Variants in CLIC5 observed in about 807,000 individuals in gnomAD.
CLIC5 encodes chloride intracellular channel protein 5.
A neutral mutation model predicts 24.7 loss-of-function variants in CLIC5; 20 were observed. The ratio of observed to expected loss-of-function variants is 0.81; its 90% CI spans 0.57 to 1.18. The LOEUF is 1.18. Among genes scored for constraint, CLIC5 ranks in the 50% most tolerant of loss-of-function variants. The probability of loss-of-function intolerance (pLI) is 0.00; values close to 1 mark genes in which losing one functional copy is unlikely to be tolerated. For missense variants in CLIC5, 341 were observed against 326.1 expected (o/e 1.05, Z -0.35); for synonymous variants, 159 against 135.6 (o/e 1.17, Z -1.20).
intron 4 of CLIC5, among the ~76,000 whole-genome samples, chr6:45,938,021 G>A (rs923706054): frequency 6.6e-6 from 1 of 152,188 alleles, no homozygotes; most frequent in Non-Finnish European, 1.5e-5. Flanking sequence ...ACCAGGTAGA[G>A]GGGAGGGAGG....
chr6:45,911,944 G>GGA, intron 5 of CLIC5: 1 of 985,528 alleles, frequency 1.0e-6, no homozygotes, highest in Non-Finnish European at 1.2e-6. Context: ...AAACTCTCAT[G>GGA]GAGAGCCTGG....
chr6:45,979,030 A>C (rs1172978547), intron 1 of CLIC5, among the ~76,000 whole-genome samples: 1 of 152,080 alleles, frequency 6.6e-6, no homozygotes, highest in Non-Finnish European at 1.5e-5. Context: ...AGTTTGAAAA[A>C]AAATGCACAA....
intron 3 of CLIC5, among the ~76,000 whole-genome samples, chr6:45,948,702 AT>A (rs1335508570): frequency 1.3e-5 from 2 of 152,210 alleles, no homozygotes; most frequent in Non-Finnish European, 2.9e-5. Context: ...ACAAGAACTT[AT>A]AGCTCTACGG....
chr6:45,992,124 T>C (rs1193404606), intron 1 of CLIC5, among the ~76,000 whole-genome samples: 1 of 152,198 alleles, frequency 6.6e-6, no homozygotes, highest in Non-Finnish European at 1.5e-5. Flanking sequence ...TCTCAGGCCA[T>C]TCTAACCTAC....
chr6:46,096,414 T>C, the CLIC5 span, among the ~76,000 whole-genome samples: 1 of 152,260 alleles, frequency 6.6e-6, no homozygotes, highest in Non-Finnish European at 1.5e-5. Flanking sequence ...CTACTACTTC[T>C]ATACCATGGA....
intron 6 of CLIC5, among the ~76,000 whole-genome samples, chr6:45,885,129 T>C (rs1762294789): frequency 2.0e-5 from 3 of 152,032 alleles, no homozygotes; most frequent in Admixed American, 6.5e-5. Context: ...CCCAAACTCA[T>C]ATGTTGAAAT....
At chr6:45,990,647 A>T (rs1390395101) in intron 1 of CLIC5, among the ~76,000 whole-genome samples, 1 of 152,268 alleles carries the variant, frequency 6.6e-6, no homozygotes, top group Admixed American at 6.5e-5. Context: ...CCTGCCTTAC[A>T]AAATATACTG....
At chr6:46,019,387 C>A (rs12213720), upstream of CLIC5, among the ~76,000 whole-genome samples, 5 of 152,126 alleles carry the variant, frequency 3.3e-5, no homozygotes, top group Non-Finnish European at 5.9e-5. Flanking sequence ...CATGCAAACA[C>A]TAATCAAAAG....
intron 1 of CLIC5, among the ~76,000 whole-genome samples, chr6:45,996,745 A>G (rs886253328): frequency 1.3e-5 from 2 of 152,112 alleles, no homozygotes; most frequent in Non-Finnish European, 2.9e-5. Flanking sequence ...CAAAAGACAC[A>G]TGAAAAAATG....
rs540691771 is a variant in CLIC5, at chr6:46,077,345, C to A, written c.540+2358G>T. On this transcript the variant is annotated intron_variant, in intron 1 of 5. Transcript: ENST00000185206. The stretch of plus-strand genomic sequence containing the variant: ...CAAATGAATACAAGTATCAATGCAG[C>A]CCAGTGGTCCACACTAAAACAGCCC... Among the ~76,000 whole-genome samples, 4 of 152,086 alleles carry A rather than the reference C, an allele frequency of 2.6e-5. No individual in the cohort carries two copies. The East Asian group carries it at 5.8e-4, about 22-fold the overall frequency.
At chr6:45,948,807 G>A (rs1180262649) in intron 3 of CLIC5, among the ~76,000 whole-genome samples, 1 of 152,072 alleles carries the variant, frequency 6.6e-6, no homozygotes, top group Non-Finnish European at 1.5e-5. Context: ...ACCAGATTTG[G>A]TCAGGTTTAA....
chr6:45,903,051 G>T lies in CLIC5; in HGVS notation c.*37C>A, dbSNP rs1313243623. The stretch of plus-strand genomic sequence containing the variant: ...GCTGGAGTCTTAGGGGAGTGGTTGA[G>T]TCCTTCTGCAGCGGGGATGGGGCAA... On this transcript the variant is annotated 3_prime_UTR_variant, in exon 6 of 6. Coordinates refer to ENST00000339561, the MANE Select transcript of CLIC5 (RefSeq NM_016929.5). 6.2e-7 allele frequency: 1 copy of T among 1,612,208 alleles called. No individual in the cohort carries two copies. Among genetic ancestry groups the T allele is most frequent in the East Asian group, 2.2e-5 (1 of 44,868 alleles).
At chr6:46,064,299 C>A (rs1173573428) in intron 1 of CLIC5, among the ~76,000 whole-genome samples, 1 of 151,830 alleles carries the variant, frequency 6.6e-6, no homozygotes, top group Admixed American at 6.6e-5. Flanking sequence ...AGGGGAAAAA[C>A]CTTCCCACCA....
intron 1 of CLIC5, among the ~76,000 whole-genome samples, chr6:46,002,501 T>C: frequency 6.6e-6 from 1 of 152,150 alleles, no homozygotes; most frequent in Non-Finnish European, 1.5e-5. Context: ...AGGTACACTT[T>C]TTTTTCCCAG....
chr6:46,090,287 G>C, the CLIC5 span, among the ~76,000 whole-genome samples: 1 of 152,134 alleles, frequency 6.6e-6, no homozygotes, highest in Non-Finnish European at 1.5e-5. Flanking sequence ...TTTTCTGCAT[G>C]TATAATCCAC....
chr6:46,016,184 A>AGGAAGGGGAAAGGGGAAGGGGAAGC (rs1767001783), upstream of CLIC5, among the ~76,000 whole-genome samples: 1 of 75,568 alleles, frequency 1.3e-5, no homozygotes, highest in Admixed American at 1.5e-4. Context: ...GAAGGGGAAG[A>AGGAAGGGGAAAGGGGAAGGGGAAGC]GGAAGGGGAA....
the CLIC5 span, among the ~76,000 whole-genome samples, chr6:46,125,864 T>G: frequency 6.6e-6 from 1 of 152,146 alleles, no homozygotes; most frequent in East Asian, 1.9e-4. Context: ...TATTTAGCAA[T>G]TGTTGCTGAA....
chr6:46,088,352 C>T, the CLIC5 span, among the ~76,000 whole-genome samples: 1 of 152,090 alleles, frequency 6.6e-6, no homozygotes, highest in Non-Finnish European at 1.5e-5. Context: ...AATTATCTGT[C>T]CCTTCATACT....
At position 46,057,391 on chromosome 6, in the gene CLIC5, T is replaced by G. The variant is rs184267738; in HGVS notation, c.540+22312A>C. Among the ~76,000 whole-genome samples, 3 of 152,360 alleles carry G rather than the reference T, an allele frequency of 2.0e-5. No individual in the cohort carries two copies. In the East Asian group the frequency reaches 5.8e-4, roughly 29 times the overall value. On this transcript the variant is annotated intron_variant, in intron 1 of 5. Coordinates refer to the CLIC5 transcript ENST00000185206. The stretch of plus-strand genomic sequence containing the variant: ...CCATGTAAGAAGTGCTTTTCTCCTC[T>G]TGCCGTGACTCTGAGTCCTCCCCAG...
Sources: gnomAD v4.1 joint callset for allele counts (sites outside exome capture counted in the v4.1 genomes callset) on GRCh38, gnomAD v4.1.1 for gene constraint, MANE v1.5 for transcripts, NCBI Gene and HGNC (gene_info 2026-07-23, HGNC 2026-07-21) for gene names.